FGF12: variants seen among roughly 807,000 people sequenced by gnomAD.
FGF12 encodes fibroblast growth factor 12.
A neutral mutation model predicts 23.6 loss-of-function variants in FGF12; 14 were observed. The ratio of observed to expected loss-of-function variants is 0.59; its 90% confidence interval spans 0.39 to 0.93. The LOEUF is 0.93. FGF12 is among the 40% of genes least tolerant of loss of function. FGF12 has a pLI of 0.00. For synonymous variants in FGF12, 62 were observed against 77.3 expected (o/e 0.80, Z 1.04); for missense variants, 175 against 217.8 (o/e 0.80, Z 1.24).
At chr3:192,273,462 G>C (rs1278963443) in intron 4 of FGF12, among the ~76,000 whole-genome samples, 1 of 152,148 alleles carries the variant, frequency 6.6e-6, no homozygotes, top group Non-Finnish European at 1.5e-5. Context: ...CTCTAAGAGA[G>C]TCCTGCATGC....
intron 4 of FGF12, among the ~76,000 whole-genome samples, chr3:192,250,520 ATAT>A (rs1711936636): frequency 6.6e-6 from 1 of 152,174 alleles, no homozygotes. Flanking sequence ...TTAGAAAAAT[ATAT>A]TAAGATTTAA....
intron 2 of FGF12, among the ~76,000 whole-genome samples, chr3:192,511,813 C>T (rs1724486384): frequency 6.6e-6 from 1 of 152,030 alleles, no homozygotes; most frequent in Non-Finnish European, 1.5e-5. Flanking sequence ...TAGCTTATAC[C>T]CATCCTACTG....
intron 4 of FGF12, among the ~76,000 whole-genome samples, chr3:192,231,517 C>A (rs1719019038): frequency 6.6e-6 from 1 of 152,104 alleles, no homozygotes; most frequent in Non-Finnish European, 1.5e-5. Context: ...TGCCTGTAAT[C>A]CCAGCACTGT....
chr3:192,571,081 G>A (rs1026887000), intron 2 of FGF12, among the ~76,000 whole-genome samples: 3 of 152,126 alleles, frequency 2.0e-5, no homozygotes, highest in African/African-American at 7.2e-5. Flanking sequence ...ATTGGTGTTG[G>A]GGGGAAAAAA....
chr3:192,449,484 G>A (rs189309065), intron 2 of FGF12, among the ~76,000 whole-genome samples: 1 of 152,120 alleles, frequency 6.6e-6, no homozygotes, highest in Non-Finnish European at 1.5e-5. Context: ...CTGCTGTCGG[G>A]TAAGCTCCTG....
chr3:192,168,774 G>A (rs1577197419), intron 5 of FGF12, among the ~76,000 whole-genome samples: 2 of 152,136 alleles, frequency 1.3e-5, no homozygotes, highest in Admixed American at 6.5e-5. Flanking sequence ...AATAAAACAT[G>A]TTCTGTTCAT....
intron 2 of FGF12, among the ~76,000 whole-genome samples, chr3:192,628,395 T>G (rs1312778595): frequency 6.8e-6 from 1 of 147,336 alleles, no homozygotes; most frequent in Non-Finnish European, 1.5e-5. Flanking sequence ...ACTGCCAAAT[T>G]GTTTTTTCCA....
chr3:192,707,824 G>A (rs1011477067), intron 2 of FGF12, among the ~76,000 whole-genome samples: 3 of 151,272 alleles, frequency 2.0e-5, no homozygotes, highest in Non-Finnish European at 2.9e-5. Flanking sequence ...AAACAGCACA[G>A]GAATTTCTTC....
intron 5 of FGF12, among the ~76,000 whole-genome samples, chr3:192,144,886 G>A (rs9809505): frequency 0.48 from 73,472 of 152,096 alleles, 19,252 homozygotes; most frequent in Non-Finnish European, 0.59. Flanking sequence ...TACAAAACAC[G>A]TTAATTCAGC....
chr3:192,355,599 T>C (rs1718435871), intron 3 of FGF12, among the ~76,000 whole-genome samples: 1 of 152,146 alleles, frequency 6.6e-6, no homozygotes, highest in Non-Finnish European at 1.5e-5. Flanking sequence ...GGTTTCTTGG[T>C]AAGAGGATGT....
intron 2 of FGF12, among the ~76,000 whole-genome samples, chr3:192,602,502 T>C (rs1414106764): frequency 1.3e-5 from 2 of 152,118 alleles, no homozygotes. Context: ...TTACACATCC[T>C]CTCAGAGCTG....
chr3:192,145,625 T>G (rs1386107534), intron 5 of FGF12, among the ~76,000 whole-genome samples: 3 of 152,242 alleles, frequency 2.0e-5, no homozygotes, highest in Non-Finnish European at 4.4e-5. Context: ...ATATGTGTGT[T>G]AAGGCTGTTA....
At chr3:192,590,392 C>T (rs1245853583) in intron 2 of FGF12, among the ~76,000 whole-genome samples, 1 of 151,924 alleles carries the variant, frequency 6.6e-6, no homozygotes, top group African/African-American at 2.4e-5. Context: ...TAAATTCCTA[C>T]ATTTCGAATT....
At chr3:192,616,313 C>G (rs1047980458) in intron 2 of FGF12, among the ~76,000 whole-genome samples, 2 of 151,942 alleles carry the variant, frequency 1.3e-5, no homozygotes, top group African/African-American at 2.4e-5. Context: ...TAAAGTCTTA[C>G]GATCTACAAT....
At chr3:192,221,902 G>A (rs1718495778) in intron 4 of FGF12, among the ~76,000 whole-genome samples, 1 of 152,076 alleles carries the variant, frequency 6.6e-6, no homozygotes, top group Non-Finnish European at 1.5e-5. Context: ...ATTCGAAGAA[G>A]CAAAATATAA....
intron 2 of FGF12, among the ~76,000 whole-genome samples, chr3:192,444,732 C>A (rs367754192): frequency 1.3e-5 from 2 of 152,124 alleles, no homozygotes; most frequent in Admixed American, 6.6e-5. Flanking sequence ...CTTCCCTCTG[C>A]GAATTAGACT....
intron 2 of FGF12, among the ~76,000 whole-genome samples, chr3:192,703,190 T>C (rs1022790362): frequency 6.6e-6 from 1 of 152,208 alleles, no homozygotes; most frequent in African/African-American, 2.4e-5. Flanking sequence ...ATATAGTGGG[T>C]TGGGTTCCGG....
rs1409057437 is a variant in FGF12, at chr3:192,410,767, G to A, written c.14-50229C>T. Among the ~76,000 whole-genome samples the A allele has an allele frequency of 3.9e-5, 6 of 152,180 alleles. No individual in the cohort carries two copies. The South Asian group carries it at 1.0e-3, about 26-fold the overall frequency. The stretch of plus-strand genomic sequence containing the variant: ...GAGGATGACTCCAGGTGCGGCGAGG[G>A]AGTGATGTGGACAAGGACAGTCAAC... On this transcript the variant is annotated intron_variant, in intron 2 of 5. Transcript: ENST00000445105.
chr3:192,161,312 G>A (rs73191574), intron 5 of FGF12, among the ~76,000 whole-genome samples: 21,430 of 152,052 alleles, frequency 0.14, 1,660 homozygotes, highest in Admixed American at 0.18. Flanking sequence ...TAATTCTGAT[G>A]CACACTCAAC....
Sources: allele counts gnomAD v4.1 joint callset (sites outside exome capture counted in the v4.1 genomes callset), GRCh38; gene constraint gnomAD v4.1.1; transcripts MANE v1.5; gene names NCBI Gene and HGNC (gene_info 2026-07-23, HGNC 2026-07-21).